Variants in KYAT1 observed in about 807,000 individuals in gnomAD.
KYAT1 encodes the protein kynurenine--oxoglutarate transaminase 1.
KYAT1 carries 47 observed loss-of-function variants against 52.4 expected under a neutral mutation model. That is an observed-to-expected ratio of 0.90 (90% CI 0.71 to 1.14). The LOEUF is 1.14. Among genes scored for constraint, KYAT1 ranks in the 50% most tolerant of loss-of-function variants. KYAT1 has a pLI of 0.00. For missense variants in KYAT1, 480 were observed against 557.9 expected (o/e 0.86, Z 1.41); for synonymous variants, 212 against 209.6 (o/e 1.01, Z -0.10).
At chr9:128,843,176 A>G (rs773888313) in intron 2 of KYAT1, among the ~76,000 whole-genome samples, 28 of 152,098 alleles carry the variant, frequency 1.8e-4, no homozygotes, top group Non-Finnish European at 3.2e-4. Context: ...TTAAAAAAAC[A>G]AAAACAAAAA....
At chr9:128,853,094 A>G (rs1834150722) in intron 1 of KYAT1, among the ~76,000 whole-genome samples, 1 of 152,240 alleles carries the variant, frequency 6.6e-6, no homozygotes, top group African/African-American at 2.4e-5. Flanking sequence ...TTGGTCAGGC[A>G]AGACTACATA....
At chr9:128,862,823 T>C (rs1835644745) in intron 1 of KYAT1, among the ~76,000 whole-genome samples, 3 of 152,092 alleles carry the variant, frequency 2.0e-5, no homozygotes, top group Admixed American at 6.6e-5. Context: ...AATGTTGGTT[T>C]GTTTGTTTTT....
chr9:128,873,709 G>C (rs1269427807), intron 1 of KYAT1, among the ~76,000 whole-genome samples: 1 of 151,922 alleles, frequency 6.6e-6, no homozygotes, highest in Non-Finnish European at 1.5e-5. Flanking sequence ...GAACCCGAGA[G>C]ATAGAGGTTG....
chr9:128,859,396 A>C (rs1835137716), intron 1 of KYAT1, among the ~76,000 whole-genome samples: 1 of 151,352 alleles, frequency 6.6e-6, no homozygotes, highest in African/African-American at 2.4e-5. Flanking sequence ...AGCTGGGTGC[A>C]GTGGCTCCTG....
intron 5 of KYAT1, 109 bp from the exon 6 acceptor site, chr9:128,837,922 C>T: frequency 6.8e-7 from 1 of 1,473,698 alleles, no homozygotes; most frequent in Non-Finnish European, 9.5e-7. Context: ...ACACACACCT[C>T]CCCTCTGCCC....
intron 1 of KYAT1, among the ~76,000 whole-genome samples, chr9:128,855,382 T>C (rs1305889980): frequency 2.0e-5 from 3 of 152,196 alleles, no homozygotes; most frequent in East Asian, 1.9e-4. Context: ...CAAAGTTAGT[T>C]AGTCCTGTTA....
intron 1 of KYAT1, among the ~76,000 whole-genome samples, chr9:128,862,572 C>G (rs112961762): frequency 0.084 from 12,804 of 152,300 alleles, 826 homozygotes; most frequent in African/African-American, 0.18. Context: ...CCTGCCCCAG[C>G]CTTGGCCCCT....
At chr9:128,846,376 G>A (rs1833093954) in intron 1 of KYAT1, among the ~76,000 whole-genome samples, 2 of 152,156 alleles carry the variant, frequency 1.3e-5, no homozygotes, top group African/African-American at 4.8e-5. Context: ...ATTGCAGTGA[G>A]GCAAGAGCAC....
upstream of KYAT1, chr9:128,882,449 C>A (rs1422234315): frequency 2.8e-6 from 1 of 351,782 alleles, no homozygotes. Context: ...GCACCACCTT[C>A]TCGCCGGCTC....
In KYAT1 at chr9:128,838,117, A is replaced by T. The variant is rs957837518; in HGVS notation, c.372T>A (p.Phe124Leu). Residue 124 changes from phenylalanine (F) to leucine (L), a missense_variant, in exon 5 of 13, where the codon TTT becomes TTA. By Grantham distance (22) the Phe-to-Leu change is conservative. Transcript: ENST00000302586. ...EGDEVIIIEP[F>L]FDCYEPMTMM... ...TTGTCATGGGCTCGTAGCAGTCAAA[A>T]AAGGGTTCGATGATGATGACCTGAT... 2 of 1,614,062 alleles carry T rather than the reference A, an allele frequency of 1.2e-6. No homozygotes were observed. Among genetic ancestry groups the T allele is most frequent in the African/African-American group, 2.7e-5 (2 of 74,902 alleles).
intron 1 of KYAT1, among the ~76,000 whole-genome samples, chr9:128,872,686 G>C (rs112144601): frequency 1.5e-4 from 23 of 151,756 alleles, no homozygotes; most frequent in African/African-American, 5.6e-4. Context: ...AGACCAGCTT[G>C]AACTCGGGAG....
upstream of KYAT1, chr9:128,882,123 G>T (rs1011655228): frequency 6.6e-6 from 1 of 152,270 alleles, no homozygotes; most frequent in African/African-American, 2.4e-5. Flanking sequence ...CTTCCGGGGC[G>T]GAGGAGGCTG....
intron 1 of KYAT1, among the ~76,000 whole-genome samples, chr9:128,871,845 T>A (rs1385762933): frequency 6.6e-6 from 1 of 152,152 alleles, no homozygotes; most frequent in Non-Finnish European, 1.5e-5. Context: ...ATGACCATGT[T>A]GGCTGGGCGT....
chr9:128,877,297 C>A (rs1838180804), intron 1 of KYAT1, among the ~76,000 whole-genome samples: 1 of 152,174 alleles, frequency 6.6e-6, no homozygotes, highest in African/African-American at 2.4e-5. Flanking sequence ...CCTAGCCCCA[C>A]CTGTACCTCC....
chr9:128,881,934 AC>A lies in KYAT1; in HGVS notation c.-45del, dbSNP rs34897204. The A allele has an allele frequency of 2.6e-5, 4 of 152,096 alleles. No individual in the cohort carries two copies. Among genetic ancestry groups the A allele is most frequent in the Non-Finnish European group, 5.9e-5 (4 of 68,068 alleles). The allele number at this position is 152,096 out of a possible 1,614,324, so 9.4% of individuals were successfully genotyped here. On this transcript the variant is annotated 5_prime_UTR_variant, in exon 1 of 13. Coordinates refer to ENST00000302586, the MANE Select transcript of KYAT1 (RefSeq NM_004059.5). ...CGCTTCACCCCTCGTTCCCAAGTAC[AC>A]CCCGTAGGTTGCAGCAGTCCCTGTC...
rs561681028 is a variant in KYAT1, at chr9:128,875,619, G to A, written c.-7+6278C>T. 2.7e-5 allele frequency among the ~76,000 whole-genome samples: 4 copies of A among 149,580 alleles called. No individual in the cohort carries two copies. In the East Asian group the frequency reaches 5.9e-4, roughly 22 times the overall value. The stretch of plus-strand genomic sequence containing the variant: ...TGTCCAGGTGACAGAGCAAGACTCC[G>A]CTTCAAAAAAAAAAAAAAATGTGTG... On this transcript the variant is annotated intron_variant, in intron 1 of 12. Coordinates refer to ENST00000302586, the MANE Select transcript of KYAT1 (RefSeq NM_004059.5).
At chr9:128,868,866 C>G (rs1421065561) in intron 1 of KYAT1, among the ~76,000 whole-genome samples, 1 of 152,060 alleles carries the variant, frequency 6.6e-6, no homozygotes, top group East Asian at 1.9e-4. Flanking sequence ...CCACCATGCC[C>G]AGCTAAGTTT....
intron 3 of KYAT1, among the ~76,000 whole-genome samples, chr9:128,838,707 A>G (rs567613873): frequency 7.2e-5 from 11 of 152,314 alleles, no homozygotes; most frequent in Admixed American, 3.9e-4. Context: ...TCAGATATCC[A>G]GTGCTAAGCT....
chr9:128,847,635 C>T, intron 1 of KYAT1: 1 of 616,010 alleles, frequency 1.6e-6, no homozygotes, highest in African/African-American at 1.9e-5. Context: ...GGGTCCCCCA[C>T]ACACAGCTCT....
Sources: allele counts gnomAD v4.1 joint callset (sites outside exome capture counted in the v4.1 genomes callset), GRCh38; gene constraint gnomAD v4.1.1; transcripts MANE v1.5; gene names NCBI Gene and HGNC (gene_info 2026-07-23, HGNC 2026-07-21).